ZRANB2: variants seen among roughly 807,000 people sequenced by gnomAD.
The protein encoded by ZRANB2 is zinc finger Ran-binding domain-containing protein 2.
Under a neutral mutation model 53.4 loss-of-function variants are expected in ZRANB2, and 19 were observed. That is an observed-to-expected ratio of 0.36 (90% CI 0.25 to 0.52). ZRANB2 has a LOEUF of 0.52. Among genes scored for constraint, ZRANB2 ranks in the 20% least tolerant of loss-of-function variants. ZRANB2 has a pLI of 0.93. For missense variants in ZRANB2, 309 were observed against 401.1 expected (o/e 0.77, Z 1.96); for synonymous variants, 145 against 134.8 (o/e 1.08, Z -0.52).
Position 71,078,457 on chromosome 1 carries a change from G to A in ZRANB2, c.218C>T (p.Thr73Ile). The A allele has an allele frequency of 6.2e-7, 1 of 1,611,336 alleles. No homozygotes were observed. The highest frequency in any genetic ancestry group is 8.5e-7 in the Non-Finnish European group (1 of 1,178,480). Residue 73 changes from threonine to isoleucine, a missense_variant and splice_region_variant, in exon 3 of 10, where the codon ACT (threonine) becomes ATT (isoleucine). By Grantham distance (89) the Thr-to-Ile change is moderately conservative (BLOSUM62 -1). Transcript: ENST00000370920. ...GCAGACAATAATTTAAAAAACATAC[G>A]TTTTACATTGCCAGTCATTAGCACT... is the stretch of plus-strand genomic sequence containing the variant. Reference protein sequence around the residue: ...LFSANDWQCKTCSNVNWARRS... With the variant: ...LFSANDWQCKICSNVNWARRS...
In ZRANB2 at chr1:71,069,259, G is replaced by C; in HGVS notation, c.770+17C>G. The C allele has an allele frequency of 1.3e-6, 2 of 1,599,774 alleles. No homozygotes were observed. The highest frequency in any genetic ancestry group is 1.7e-6 in the Non-Finnish European group (2 of 1,170,464). On this transcript the variant is annotated intron_variant, in intron 8 of 9. Coordinates refer to ENST00000370920, the MANE Select transcript of ZRANB2 (RefSeq NM_203350.3). ...TATTTTTCTCTCTGCTTTACAGAGA[G>C]ATGCTACCTCATTCACCTTGATTTC...
Position 71,066,807 on chromosome 1 carries a change from T to G in ZRANB2, c.898A>C (p.Lys300Gln). Residue 300 changes from lysine (K) to glutamine (Q), a missense_variant, in exon 9 of 10, where the codon AAA becomes CAA. Lys to Gln is a moderately conservative substitution (Grantham distance 53). Coordinates refer to ENST00000370920, the MANE Select transcript of ZRANB2 (RefSeq NM_203350.3). ...GGTGACCGTGATCTTGTTCGTCTTT[T>G]TTTGCGATCACCAGATGAAGAAGAT... ...SRSSSSGDRK[K>Q]RRTRSRSPER... 5 of 1,612,558 alleles carry G rather than the reference T, an allele frequency of 3.1e-6. No individual in the cohort carries two copies. The highest frequency in any genetic ancestry group is 4.2e-6 in the Non-Finnish European group (5 of 1,179,520).
chr1:71,070,748 A>T, intron 7 of ZRANB2, 79 bp downstream of exon 7: 2 of 928,612 alleles, frequency 2.2e-6, no homozygotes, highest in Non-Finnish European at 3.0e-6. Context: ...TTATTTCGTC[A>T]AGAAAAACAA....
At position 71,080,924 on chromosome 1, in the gene ZRANB2, C is replaced by T. The variant is rs1661833116; in HGVS notation, c.56+16G>A. The T allele has an allele frequency of 6.2e-7, 1 of 1,613,904 alleles. No homozygotes were observed. Among genetic ancestry groups the T allele is most frequent in the African/African-American group, 1.3e-5 (1 of 74,924 alleles). The stretch of plus-strand genomic sequence containing the variant: ...TAACAAACTCCGTCCCAATTCAGGA[C>T]CCTTCTTGAACTCACTTTTTGTCAG... On this transcript the variant is annotated intron_variant, in intron 1 of 9. Coordinates refer to ENST00000370920, the MANE Select transcript of ZRANB2 (RefSeq NM_203350.3).
At chr1:71,069,625 A>C (rs746805558) in intron 7 of ZRANB2, 1 of 230,392 alleles carries the variant, frequency 4.3e-6, no homozygotes. Flanking sequence ...TATTACAAAA[A>C]CAATGAATAC....
At chr1:71,077,776 A>G (rs12039343) in intron 3 of ZRANB2, among the ~76,000 whole-genome samples, 23,277 of 152,208 alleles carry the variant, frequency 0.15, 2,315 homozygotes, top group East Asian at 0.31. Context: ...GGATTGCTTG[A>G]GCCTGGGAGG....
chr1:71,065,998 T>G (rs1343927792), intron 9 of ZRANB2: 3 of 375,768 alleles, frequency 8.0e-6, no homozygotes, highest in Non-Finnish European at 1.4e-5. Context: ...AATCATGAGA[T>G]AATCCTACCA....
At position 71,078,657 on chromosome 1, in the gene ZRANB2, C is replaced by T; in HGVS notation, c.108G>A (p.Arg36=). 1 of 1,612,794 alleles carries T rather than the reference C, an allele frequency of 6.2e-7. No individual in the cohort carries two copies. The highest frequency in any genetic ancestry group is 1.3e-5 in the African/African-American group (1 of 74,978). ...ARRTSCNRCG[R]EKTTEAKMMK... ...ATAGAATCTTCTTTAAATACTTACC[C>T]CGACCACATCGATTACAGCTGGTTC... is the stretch of plus-strand genomic sequence containing the variant. The change falls in exon 2 of 10, where the codon CGG becomes CGA. Residue 36 remains arginine (R), a splice_region_variant and synonymous_variant. Transcript: ENST00000370920.
At chr1:71,075,015 A>G (rs1045504685) in intron 4 of ZRANB2, among the ~76,000 whole-genome samples, 9 of 152,214 alleles carry the variant, frequency 5.9e-5, no homozygotes, top group Admixed American at 5.2e-4. Flanking sequence ...TATCAAATAA[A>G]ATTTGCTTAC....
chr1:71,067,181 A>C (rs1202863936), intron 8 of ZRANB2: 2 of 309,036 alleles, frequency 6.5e-6, no homozygotes, highest in African/African-American at 4.3e-5. Flanking sequence ...TTACTATATC[A>C]AAATAGAATT....
chr1:71,068,663 T>G (rs1429217605), intron 8 of ZRANB2, among the ~76,000 whole-genome samples: 2 of 152,206 alleles, frequency 1.3e-5, no homozygotes, highest in Admixed American at 6.5e-5. Context: ...ATGGCAAATT[T>G]GTTTCTGAAA....
chr1:71,078,387 T>C, intron 3 of ZRANB2, 70 bp downstream of exon 3: 1 of 1,311,070 alleles, frequency 7.6e-7, no homozygotes, highest in Non-Finnish European at 1.1e-6. Context: ...ATAAGAGCTG[T>C]AATATAAACA....
chr1:71,078,748 T>C, intron 1 of ZRANB2, 40 bp from the exon 2 acceptor site: 1 of 1,554,678 alleles, frequency 6.4e-7, no homozygotes, highest in Non-Finnish European at 8.8e-7. Flanking sequence ...AATTTAAATT[T>C]GTAAAATTTT....
intron 3 of ZRANB2, 29 bp downstream of exon 3, chr1:71,078,428 A>G (rs1349510656): frequency 7.6e-6 from 12 of 1,580,320 alleles, no homozygotes; most frequent in Non-Finnish European, 1.0e-5. Flanking sequence ...TTTTGGAAGA[A>G]AGAGCAGACA....
chr1:71,078,600 A>G, intron 2 of ZRANB2, 35 bp from the exon 3 acceptor site: 1 of 1,610,606 alleles, frequency 6.2e-7, no homozygotes, highest in Non-Finnish European at 8.5e-7. Context: ...ATGAACCTGG[A>G]GAAATAAATA....
chr1:71,070,752 AAAAC>A (rs1661577408), intron 7 of ZRANB2, 71 bp downstream of exon 7: 1 of 972,018 alleles, frequency 1.0e-6, no homozygotes, highest in Admixed American at 2.8e-5. Flanking sequence ...TTCGTCAAGA[AAAAC>A]AAAATTTATA....
rs541943177 is a variant in ZRANB2 at position 71,072,108 on chromosome 1, G to A, written c.513+13C>T. 8 of 1,601,634 alleles carry A rather than the reference G, an allele frequency of 5.0e-6. No homozygotes were observed. The highest frequency in any genetic ancestry group is 1.9e-4 in the Middle Eastern group (1 of 5,218). On this transcript the variant is annotated intron_variant, in intron 6 of 9. Transcript: ENST00000370920. ...ATAAGACAAAAGGGAAATAGGACAA[G>A]AAAATTGTTCACCTCATCTAACTTA...
chr1:71,072,144 G>T lies in ZRANB2; in HGVS notation c.490C>A (p.Leu164Ile), dbSNP rs1195999319. The T allele has an allele frequency of 3.7e-6, 6 of 1,610,000 alleles. No individual in the cohort carries two copies. Among genetic ancestry groups the T allele is most frequent in the Non-Finnish European group, 5.1e-6 (6 of 1,178,710 alleles). ...EGEEEDEDEDLSKYKLDEDED... is the reference protein window; with the variant it reads ...EGEEEDEDEDISKYKLDEDED... Reference sequence around the variant, plus strand: ...ACCTCATCTAACTTATATTTAGAAAGATCTTCATCCTCATCCTCTTCTTCT... The same window carrying T: ...ACCTCATCTAACTTATATTTAGAAATATCTTCATCCTCATCCTCTTCTTCT... Residue 164 changes from leucine (L) to isoleucine (I), a missense_variant, in exon 6 of 10, where the codon CTT (leucine) becomes ATT (isoleucine). Around this residue, in one of 3 missense-constraint regions of ZRANB2, gnomAD observed 74 missense variants for 180.1 expected, o/e 0.41. Transcript: ENST00000370920.
At position 71,076,814 on chromosome 1, in the gene ZRANB2, A is replaced by G; in HGVS notation, c.282T>C (p.Ala94=). ...TCATACCTGTTCTTTCTTCTAATTT[A>G]GCATACTTTGGAGTATTACACATAT... ...ECNMCNTPKY[A]KLEERTGYGG... is the part of the protein sequence containing the mutation. The change falls in exon 4 of 10, where the codon GCT becomes GCC. Residue 94 remains alanine (A), a synonymous_variant. Coordinates refer to ENST00000370920, the MANE Select transcript of ZRANB2 (RefSeq NM_203350.3). The G allele has an allele frequency of 6.2e-7, 1 of 1,610,758 alleles. No individual in the cohort carries two copies. The highest frequency in any genetic ancestry group is 8.5e-7 in the Non-Finnish European group (1 of 1,178,686).
Sources: allele counts gnomAD v4.1 joint callset (sites outside exome capture counted in the v4.1 genomes callset), GRCh38; gene constraint gnomAD v4.1.1; regional missense constraint gnomAD v4.1.1; transcripts MANE v1.5; gene names NCBI Gene and HGNC (gene_info 2026-07-23, HGNC 2026-07-21).